Variants in SPOCK1 observed in about 807,000 individuals in gnomAD.
SPOCK1 encodes the protein testican-1.
SPOCK1 carries 23 observed loss-of-function variants against 55.3 expected under a neutral mutation model. The observed-to-expected ratio is 0.42, with a 90% CI of 0.30 to 0.59. SPOCK1 has a LOEUF of 0.59. SPOCK1 is among the 20% of genes least tolerant of loss of function. The pLI is 0.22. For synonymous variants in SPOCK1, 226 were observed against 221.0 expected, an observed-to-expected ratio of 1.02 and a Z score of -0.20; for missense variants, 499 against 552.5, an observed-to-expected ratio of 0.90 and a Z score of 0.97.
chr5:137,485,870 G>A (rs944225024), intron 2 of SPOCK1, among the ~76,000 whole-genome samples: 3 of 152,214 alleles, frequency 2.0e-5, no homozygotes, highest in Non-Finnish European at 4.4e-5. Flanking sequence ...CCAGGGGCAT[G>A]AGATGGTCTT....
At chr5:137,473,939 A>G (rs1413062996) in intron 2 of SPOCK1, among the ~76,000 whole-genome samples, 6 of 152,238 alleles carry the variant, frequency 3.9e-5, no homozygotes, top group African/African-American at 1.4e-4. Flanking sequence ...CAGCACTTGC[A>G]GTGACCCGTA....
At chr5:137,131,462 G>A (rs993768738) in intron 4 of SPOCK1, among the ~76,000 whole-genome samples, 2 of 151,372 alleles carry the variant, frequency 1.3e-5, no homozygotes, top group African/African-American at 4.9e-5. Flanking sequence ...ACAAAAATTA[G>A]CCAGGCATGG....
At chr5:137,392,293 C>T (rs747747604) in intron 2 of SPOCK1, among the ~76,000 whole-genome samples, 1 of 152,164 alleles carries the variant, frequency 6.6e-6, no homozygotes, top group Non-Finnish European at 1.5e-5. Flanking sequence ...ATCCAACCGC[C>T]CAATGCATAT....
At chr5:137,028,594 CA>C (rs1486867972) in intron 6 of SPOCK1, among the ~76,000 whole-genome samples, 1 of 152,084 alleles carries the variant, frequency 6.6e-6, no homozygotes, top group Non-Finnish European at 1.5e-5. Flanking sequence ...AGGAAGTTTA[CA>C]GATGGGTCCT....
At chr5:137,134,784 A>G (rs764920996) in intron 4 of SPOCK1, among the ~76,000 whole-genome samples, 1 of 152,236 alleles carries the variant, frequency 6.6e-6, no homozygotes, top group Non-Finnish European at 1.5e-5. Context: ...CAAAACTGAG[A>G]TGAAATAACC....
At position 136,977,543 on chromosome 5, in the gene SPOCK1, ACT is replaced by A. The variant is rs1213601476; in HGVS notation, c.*1109_*1110del. 1 of 361,034 alleles carries A rather than the reference ACT, an allele frequency of 2.8e-6. No individual in the cohort carries two copies. The highest frequency in any genetic ancestry group is 4.9e-6 in the Non-Finnish European group (1 of 203,052). 22.4% of individuals were successfully genotyped at this position (361,034 alleles called of 1,614,324 possible). A position where few individuals can be genotyped will look rare whatever the true frequency, so the allele number is the denominator to read the frequency against. On this transcript the variant is annotated 3_prime_UTR_variant, in exon 11 of 11. Coordinates refer to ENST00000394945, the MANE Select transcript of SPOCK1 (RefSeq NM_004598.4). Reference sequence around the variant, plus strand: ...TTCTTCTTTTAAGGAACACCATGGTACTCTCAGAGAACAGGAGATATGTGTGC... The same window carrying A: ...TTCTTCTTTTAAGGAACACCATGGTACTCAGAGAACAGGAGATATGTGTGC...
chr5:137,164,339 G>A (rs988967323), intron 3 of SPOCK1, among the ~76,000 whole-genome samples: 5 of 152,006 alleles, frequency 3.3e-5, no homozygotes, highest in Non-Finnish European at 7.4e-5. Context: ...GACACACCAT[G>A]GGACAGAAGG....
At chr5:137,193,349 C>T (rs778356441) in intron 3 of SPOCK1, among the ~76,000 whole-genome samples, 1 of 151,864 alleles carries the variant, frequency 6.6e-6, no homozygotes, top group African/African-American at 2.4e-5. Context: ...TTGACTGGGA[C>T]GTTAAGGGGA....
intron 3 of SPOCK1, among the ~76,000 whole-genome samples, chr5:137,187,161 C>T (rs1203706220): frequency 4.6e-5 from 7 of 152,130 alleles, no homozygotes; most frequent in African/African-American, 1.2e-4. Flanking sequence ...TGCAGCATGC[C>T]GCCCACTCCA....
chr5:137,071,453 G>A (rs1752614392), intron 5 of SPOCK1, among the ~76,000 whole-genome samples: 1 of 152,162 alleles, frequency 6.6e-6, no homozygotes, highest in African/African-American at 2.4e-5. Context: ...TCAGACAGGA[G>A]CCCAAGGGAA....
chr5:137,356,836 T>G (rs867047184), intron 2 of SPOCK1, among the ~76,000 whole-genome samples: 1,738 of 8,484 alleles, frequency 0.2, 101 homozygotes, highest in African/African-American at 0.27. Context: ...TATATATATA[T>G]ATAGAGAGAG....
intron 2 of SPOCK1, among the ~76,000 whole-genome samples, chr5:137,309,862 A>C (rs2127141752): frequency 6.6e-6 from 1 of 152,066 alleles, no homozygotes; most frequent in East Asian, 1.9e-4. Context: ...CCCCCATTCA[A>C]TTTATAGTTT....
At chr5:137,250,869 G>A (rs904494907) in intron 3 of SPOCK1, among the ~76,000 whole-genome samples, 1 of 152,194 alleles carries the variant, frequency 6.6e-6, no homozygotes, top group African/African-American at 2.4e-5. Context: ...TTAGCTCACT[G>A]ATTCTTCCAC....
intron 6 of SPOCK1, among the ~76,000 whole-genome samples, chr5:137,064,986 G>A (rs897421328): frequency 3.3e-5 from 5 of 152,154 alleles, no homozygotes; most frequent in Non-Finnish European, 7.4e-5. Context: ...CCAGCACTTT[G>A]GGAGGCCGAG....
At chr5:137,355,847 G>GAAAAGAA (rs1222165576) in intron 2 of SPOCK1, among the ~76,000 whole-genome samples, 1 of 152,080 alleles carries the variant, frequency 6.6e-6, no homozygotes, top group Non-Finnish European at 1.5e-5. Flanking sequence ...ACAGTGTCAA[G>GAAAAGAA]AAGGCTCAGG....
intron 4 of SPOCK1, among the ~76,000 whole-genome samples, chr5:137,136,822 G>C (rs1580770259): frequency 1.3e-5 from 2 of 152,110 alleles, no homozygotes; most frequent in Admixed American, 1.3e-4. Flanking sequence ...TCTGTCCCTT[G>C]CAACCCCACT....
At chr5:137,251,327 T>C (rs920185334) in intron 3 of SPOCK1, among the ~76,000 whole-genome samples, 1 of 152,234 alleles carries the variant, frequency 6.6e-6, no homozygotes, top group African/African-American at 2.4e-5. Flanking sequence ...GTTGCCTGTT[T>C]GTTTTCAGGA....
chr5:137,145,666 A>T (rs367547265), intron 3 of SPOCK1, among the ~76,000 whole-genome samples: 1 of 152,210 alleles, frequency 6.6e-6, no homozygotes, highest in Non-Finnish European at 1.5e-5. Flanking sequence ...GAGCAAAAAG[A>T]TGTTCTTCCA....
chr5:137,075,263 G>A (rs1477258195), intron 5 of SPOCK1, among the ~76,000 whole-genome samples: 1 of 152,130 alleles, frequency 6.6e-6, no homozygotes, highest in African/African-American at 2.4e-5. Flanking sequence ...GTGGTGCTAG[G>A]AGAACTCTTC....
Sources: allele counts gnomAD v4.1 joint callset (sites outside exome capture counted in the v4.1 genomes callset), GRCh38; gene constraint gnomAD v4.1.1; transcripts MANE v1.5; gene names NCBI Gene and HGNC (gene_info 2026-07-23, HGNC 2026-07-21).